ATL1: variants seen among roughly 807,000 people sequenced by gnomAD.
ATL1 encodes the protein atlastin GTPase 1, also known as atlastin-1.
ATL1 carries 31 observed loss-of-function variants against 75.5 expected under a neutral mutation model. The observed-to-expected ratio is 0.41, with a 90% CI of 0.31 to 0.55. The LOEUF (loss-of-function observed/expected upper bound fraction) is 0.55, where lower values mean the gene tolerates loss of function less well. Ranked by LOEUF, ATL1 falls within the 20% of genes least tolerant of loss-of-function variation. ATL1 has a pLI of 0.27. For synonymous variants in ATL1, 226 were observed against 233.3 expected (o/e 0.97, Z 0.28); for missense variants, 405 against 662.6 (o/e 0.61, Z 4.27).
chr14:50,624,556 CACA>C (rs919664832), intron 11 of ATL1, among the ~76,000 whole-genome samples: 2 of 152,080 alleles, frequency 1.3e-5, no homozygotes, highest in South Asian at 2.1e-4. Context: ...TTACCTGAGG[CACA>C]ACAATATTGA....
Position 50,628,420 on chromosome 14 carries a change from G to C in ATL1, c.1509G>C (p.Leu503=). Residue 503 remains leucine (L), a synonymous_variant, in exon 12 of 14, where the codon CTG becomes CTC. Coordinates refer to ENST00000358385, the MANE Select transcript of ATL1 (RefSeq NM_015915.5). The stretch of plus-strand genomic sequence containing the variant: ...GGTACTCTGGAGAATACCGAGAGCT[G>C]GGAGCTGTAATAGACCAGGTGGCTG... ...YIRYSGEYRE[L]GAVIDQVAAA... 1 of 1,614,076 alleles carries C rather than the reference G, an allele frequency of 6.2e-7. No homozygotes were observed. Among genetic ancestry groups the C allele is most frequent in the South Asian group, 1.1e-5 (1 of 91,070 alleles).
intron 1 of ATL1, among the ~76,000 whole-genome samples, chr14:50,540,727 G>A (rs1016577143): frequency 1.6e-4 from 24 of 152,206 alleles, no homozygotes; most frequent in African/African-American, 5.8e-4. Flanking sequence ...ATATATGTGA[G>A]TATAGATATA....
chr14:50,621,711 G>A, intron 9 of ATL1, 132 bp from the exon 10 acceptor site: 2 of 678,802 alleles, frequency 2.9e-6, no homozygotes, highest in Non-Finnish European at 2.6e-6. Context: ...ATTTAAGTAT[G>A]AGAAAGATAA....
chr14:50,541,795 A>C (rs1275475112), intron 1 of ATL1, among the ~76,000 whole-genome samples: 7 of 151,850 alleles, frequency 4.6e-5, no homozygotes, highest in South Asian at 2.1e-4. Flanking sequence ...CCGAGGCAGG[A>C]GGATCACGAG....
At chr14:50,536,554 GA>G (rs1188954827) in intron 1 of ATL1, among the ~76,000 whole-genome samples, 1 of 152,150 alleles carries the variant, frequency 6.6e-6, no homozygotes, top group African/African-American at 2.4e-5. Context: ...AGAGTTTGGA[GA>G]GCTCAGAAGA....
At chr14:50,578,291 C>G (rs2039025142) in intron 1 of ATL1, among the ~76,000 whole-genome samples, 1 of 152,046 alleles carries the variant, frequency 6.6e-6, no homozygotes, top group Non-Finnish European at 1.5e-5. Flanking sequence ...TAGACAATCT[C>G]CCTCCTCTTC....
intron 8 of ATL1, among the ~76,000 whole-genome samples, chr14:50,614,889 A>G (rs2039400367): frequency 1.3e-5 from 2 of 152,228 alleles, no homozygotes; most frequent in Non-Finnish European, 2.9e-5. Context: ...TTATGTAATT[A>G]GAGATTGAAA....
In ATL1 at chr14:50,620,670, A is replaced by G; in HGVS notation, c.934A>G (p.Ile312Val). 6 of 1,613,836 alleles carry G rather than the reference A, an allele frequency of 3.7e-6. No individual in the cohort carries two copies. The highest frequency in any genetic ancestry group is 4.2e-6 in the Non-Finnish European group (5 of 1,179,770). Residue 312 changes from isoleucine to valine, a missense_variant, in exon 9 of 14, where the codon ATT (isoleucine) becomes GTT (valine). Physicochemically the swap from Ile to Val is conservative, Grantham distance 29. This residue lies in a region of ATL1 where 56 missense variants were observed against 66.6 expected (regional missense o/e 0.84). Transcript: ENST00000358385. ...PWLLSPESLD[I>V]KEINGNKITC... is the part of the protein sequence containing the mutation. ...GCTACTTAGTCCCGAGAGCCTAGATATTAAAGAGATCAATGGGAATAAAAT... is the reference window on the plus strand; with the variant it reads ...GCTACTTAGTCCCGAGAGCCTAGATGTTAAAGAGATCAATGGGAATAAAAT...
At chr14:50,603,961 C>G (rs2039294181) in intron 6 of ATL1, among the ~76,000 whole-genome samples, 3 of 152,120 alleles carry the variant, frequency 2.0e-5, no homozygotes, top group Middle Eastern at 6.8e-3. Context: ...TAGGATTCTC[C>G]CAATTTCTAC....
chr14:50,574,353 A>G (rs2038981480), intron 1 of ATL1, among the ~76,000 whole-genome samples: 1 of 152,198 alleles, frequency 6.6e-6, no homozygotes, highest in Non-Finnish European at 1.5e-5. Context: ...TTCACTGGCA[A>G]AATCTAAACA....
chr14:50,533,942 G>A (rs1242811890), intron 1 of ATL1, among the ~76,000 whole-genome samples: 1 of 152,160 alleles, frequency 6.6e-6, no homozygotes, highest in East Asian at 1.9e-4. Flanking sequence ...AGACTTACAT[G>A]CTCCATGGAC....
At chr14:50,609,361 T>C (rs1406814915) in intron 6 of ATL1, among the ~76,000 whole-genome samples, 2 of 151,878 alleles carry the variant, frequency 1.3e-5, no homozygotes, top group Admixed American at 1.3e-4. Flanking sequence ...AACTAAAAAG[T>C]AGGAGAATGA....
intron 4 of ATL1, among the ~76,000 whole-genome samples, chr14:50,593,088 G>A (rs963420695): frequency 6.6e-6 from 1 of 151,534 alleles, no homozygotes; most frequent in Admixed American, 6.6e-5. Flanking sequence ...GTAATTCACA[G>A]TGTAAGCCAT....
At chr14:50,553,469 G>A (rs1001653291) in intron 1 of ATL1, among the ~76,000 whole-genome samples, 8 of 152,074 alleles carry the variant, frequency 5.3e-5, no homozygotes, top group African/African-American at 1.7e-4. Flanking sequence ...TGGCATGGAT[G>A]TGGTGAAAAG....
At chr14:50,549,624 C>T (rs116573272) in intron 1 of ATL1, among the ~76,000 whole-genome samples, 1 of 152,274 alleles carries the variant, frequency 6.6e-6, no homozygotes, top group Admixed American at 6.5e-5. Flanking sequence ...CTCTTAGTTT[C>T]ATATATGGCA....
chr14:50,630,083 C>A, intron 13 of ATL1, 74 bp downstream of exon 13: 2 of 1,135,460 alleles, frequency 1.8e-6, no homozygotes, highest in Non-Finnish European at 2.6e-6. Flanking sequence ...ACTGACTAAG[C>A]CATTAAAAGA....
At chr14:50,552,474 T>C (rs1158687046) in intron 1 of ATL1, among the ~76,000 whole-genome samples, 4 of 152,084 alleles carry the variant, frequency 2.6e-5, no homozygotes, top group African/African-American at 9.7e-5. Context: ...GCAATTCCCA[T>C]CAAAATACCA....
At chr14:50,614,236 C>G in intron 7 of ATL1, 137 bp from the exon 8 acceptor site, 1 of 968,650 alleles carries the variant, frequency 1.0e-6, no homozygotes, top group Non-Finnish European at 1.6e-6. Context: ...AGACTTTCTT[C>G]TTTCTTTAGT....
chr14:50,588,747 G>C (rs1038423546), intron 2 of ATL1, among the ~76,000 whole-genome samples: 1 of 152,062 alleles, frequency 6.6e-6, no homozygotes, highest in African/African-American at 2.4e-5. Context: ...ACAAAAATTA[G>C]CTGGGTATGT....
Sources: allele counts gnomAD v4.1 joint callset (sites outside exome capture counted in the v4.1 genomes callset), GRCh38; gene constraint gnomAD v4.1.1; regional missense constraint gnomAD v4.1.1; transcripts MANE v1.5; gene names NCBI Gene and HGNC (gene_info 2026-07-23, HGNC 2026-07-21).